Variants in SUGCT observed in about 807,000 individuals in gnomAD.
SUGCT encodes the protein succinyl-CoA:glutarate CoA-transferase.
A neutral mutation model predicts 55.0 loss-of-function variants in SUGCT; 41 were observed. That is an observed-to-expected ratio of 0.74 (90% CI 0.58 to 0.97). The LOEUF (loss-of-function observed/expected upper bound fraction) is 0.97, where lower values mean the gene tolerates loss of function less well. Among genes scored for constraint, SUGCT ranks in the 50% least tolerant of loss-of-function variants. The pLI, the probability that SUGCT is intolerant of heterozygous loss-of-function variation, is 0.00. For synonymous variants in SUGCT, 187 were observed against 200.4 expected (o/e 0.93, Z 0.56); for missense variants, 568 against 547.8 (o/e 1.04, Z -0.37).
At chr7:40,407,280 T>C (rs4134202) in intron 9 of SUGCT, among the ~76,000 whole-genome samples, 144,023 of 152,070 alleles carry the variant, frequency 0.95, 68,691 homozygotes, top group East Asian at 1. Context: ...TAAATGTAGC[T>C]GTGTGATATT....
At chr7:40,989,196 A>G in the SUGCT span, among the ~76,000 whole-genome samples, 2 of 152,190 alleles carry the variant, frequency 1.3e-5, no homozygotes, top group Non-Finnish European at 2.9e-5. Flanking sequence ...ATTTTGCTGC[A>G]TCTATTGACT....
Position 40,453,625 on chromosome 7 carries a change from A to G in SUGCT, c.888+4267A>G, listed in dbSNP as rs181438612. ...GAAACCTTAATCAAAATGAGAATCAAAGCCCACAGAAGGTGGGTAAGAACT... is the reference window on the plus strand; with the variant it reads ...GAAACCTTAATCAAAATGAGAATCAGAGCCCACAGAAGGTGGGTAAGAACT... On this transcript the variant is annotated intron_variant, in intron 10 of 13. Transcript: ENST00000335693. Among the ~76,000 whole-genome samples, 6 of 152,352 alleles carry G rather than the reference A, an allele frequency of 3.9e-5. No individual in the cohort carries two copies. In the East Asian group the frequency reaches 1.2e-3, roughly 29 times the overall value.
chr7:40,967,606 G>C, the SUGCT span, among the ~76,000 whole-genome samples: 1 of 150,398 alleles, frequency 6.6e-6, no homozygotes, highest in African/African-American at 2.5e-5. Flanking sequence ...GGAACTTCTG[G>C]AAATAAAATG....
chr7:40,988,372 C>G, the SUGCT span, among the ~76,000 whole-genome samples: 2 of 151,236 alleles, frequency 1.3e-5, no homozygotes, highest in African/African-American at 4.9e-5. Flanking sequence ...TGACTTATCC[C>G]TCCTCTCCAG....
intron 6 of SUGCT, among the ~76,000 whole-genome samples, chr7:40,205,945 T>G (rs1786953455): frequency 1.3e-5 from 2 of 152,184 alleles, no homozygotes; most frequent in Non-Finnish European, 2.9e-5. Context: ...CCACTAAGAA[T>G]CAGTTGATTT....
At chr7:40,677,791 C>A (rs1029836022) in intron 12 of SUGCT, among the ~76,000 whole-genome samples, 1 of 152,162 alleles carries the variant, frequency 6.6e-6, no homozygotes, top group African/African-American at 2.4e-5. Context: ...TAATATACCC[C>A]CAAATGTAGT....
the SUGCT span, among the ~76,000 whole-genome samples, chr7:40,903,690 G>T: frequency 2.0e-5 from 3 of 152,182 alleles, no homozygotes. Flanking sequence ...CACACGCAAG[G>T]CAAGGGGTGG....
chr7:40,743,781 G>A (rs760018613), intron 12 of SUGCT, among the ~76,000 whole-genome samples: 9 of 152,058 alleles, frequency 5.9e-5, no homozygotes, highest in Non-Finnish European at 1.0e-4. Flanking sequence ...AACAGTTGCC[G>A]CTTCTTGTGA....
rs750514599 is a variant in SUGCT at position 40,860,367 on chromosome 7, C to G, written c.1205C>G (p.Pro402Arg). ...AAGATGTCAGAGGCCAGGCCGCCCC[C>G]GCTGCTCGGGCAGCACACAACGCAC... The part of the protein sequence containing the change: ...KFKMSEARPP[P>R]LLGQHTTHIL... Residue 402 changes from proline to arginine, a missense_variant, in exon 14 of 14, where the codon CCG becomes CGG. Coordinates refer to ENST00000335693, the MANE Select transcript of SUGCT (RefSeq NM_001193313.2). The G allele has an allele frequency of 5.6e-6, 9 of 1,613,938 alleles. No individual in the cohort carries two copies. In the South Asian group the frequency reaches 9.9e-5, roughly 18 times the overall value.
chr7:40,418,199 G>A (rs1050979893), intron 9 of SUGCT, among the ~76,000 whole-genome samples: 2 of 152,130 alleles, frequency 1.3e-5, no homozygotes, highest in African/African-American at 4.8e-5. Flanking sequence ...TAGACACTAT[G>A]TCAGCAGTCA....
chr7:40,546,474 C>A (rs6950155), intron 12 of SUGCT, among the ~76,000 whole-genome samples: 2 of 152,018 alleles, frequency 1.3e-5, no homozygotes, highest in African/African-American at 4.8e-5. Context: ...AAATTAAAGC[C>A]TGAAGTCCAA....
intron 1 of SUGCT, among the ~76,000 whole-genome samples, chr7:40,176,319 C>T (rs139231918): frequency 1.0e-3 from 155 of 152,106 alleles, no homozygotes; most frequent in African/African-American, 3.6e-3. Context: ...GCCATGTGTA[C>T]AATGAGTCAG....
At position 40,141,733 on chromosome 7, in the gene SUGCT, G is replaced by A. The variant is rs1787995707; in HGVS notation, c.100+6613G>A. On this transcript the variant is annotated intron_variant, in intron 1 of 13. Coordinates refer to ENST00000335693, the MANE Select transcript of SUGCT (RefSeq NM_001193313.2). ...TTCTTTTTTTTTTTTTTTGAGACAG[G>A]GTCTGACTCCAGTAGCCCATGTTAT... 9 of 191,300 alleles carry A rather than the reference G, an allele frequency of 4.7e-5. No homozygotes were observed. In the South Asian group the frequency reaches 7.4e-4, roughly 16 times the overall value. 11.9% of individuals were successfully genotyped at this position (191,300 alleles called of 1,614,324 possible). A position where few individuals can be genotyped will look rare whatever the true frequency, so the allele number is the denominator to read the frequency against.
intron 6 of SUGCT, among the ~76,000 whole-genome samples, chr7:40,201,545 A>G (rs578211283): frequency 1.6e-3 from 249 of 152,312 alleles, no homozygotes; most frequent in Middle Eastern, 3.4e-3. Flanking sequence ...GTCCAACTGT[A>G]TAGACAGTGA....
At chr7:40,324,253 A>T (rs1244388590) in intron 9 of SUGCT, among the ~76,000 whole-genome samples, 1 of 104,296 alleles carries the variant, frequency 9.6e-6, no homozygotes, top group Admixed American at 1.1e-4. Flanking sequence ...AAATAAATAA[A>T]TATATATATA....
chr7:40,987,837 C>T, the SUGCT span, among the ~76,000 whole-genome samples: 1 of 152,014 alleles, frequency 6.6e-6, no homozygotes, highest in African/African-American at 2.4e-5. Flanking sequence ...ATTTATTATC[C>T]ATCTGCACAG....
the SUGCT span, among the ~76,000 whole-genome samples, chr7:40,939,218 A>G: frequency 1.3e-5 from 2 of 152,202 alleles, no homozygotes. Flanking sequence ...AGGAAGATGC[A>G]AAAGTGGAAA....
At chr7:40,503,690 A>G (rs1792427126) in intron 12 of SUGCT, among the ~76,000 whole-genome samples, 1 of 152,158 alleles carries the variant, frequency 6.6e-6, no homozygotes, top group African/African-American at 2.4e-5. Flanking sequence ...ACTGTAGACT[A>G]TTTTTAATTA....
intron 9 of SUGCT, among the ~76,000 whole-genome samples, chr7:40,412,351 A>T (rs1167521834): frequency 6.6e-6 from 1 of 152,194 alleles, no homozygotes; most frequent in African/African-American, 2.4e-5. Context: ...GACAAACTTT[A>T]ACTAGGAACT....
Sources: allele counts gnomAD v4.1 joint callset (sites outside exome capture counted in the v4.1 genomes callset), GRCh38; gene constraint gnomAD v4.1.1; transcripts MANE v1.5; gene names NCBI Gene and HGNC (gene_info 2026-07-23, HGNC 2026-07-21).